Variants in SLC35F6 observed in about 807,000 individuals in gnomAD.
SLC35F6 encodes the protein solute carrier family 35 member F6, also known as ANT2-binding protein.
SLC35F6 carries 26 observed loss-of-function variants against 29.4 expected under a neutral mutation model. The observed-to-expected ratio is 0.89, with a 90% CI of 0.65 to 1.23. The LOEUF (loss-of-function observed/expected upper bound fraction) is 1.23, where lower values mean the gene tolerates loss of function less well. Among genes scored for constraint, SLC35F6 ranks in the 50% most tolerant of loss-of-function variants. The probability of loss-of-function intolerance (pLI) is 0.00; values close to 1 mark genes in which losing one functional copy is unlikely to be tolerated. For synonymous variants in SLC35F6, 174 were observed against 206.6 expected, an observed-to-expected ratio of 0.84 and a Z score of 1.35; for missense variants, 428 against 487.8, an observed-to-expected ratio of 0.88 and a Z score of 1.15.
chr2:26,770,746 G>C (rs1335608472), intron 1 of SLC35F6, among the ~76,000 whole-genome samples: 4 of 151,958 alleles, frequency 2.6e-5, no homozygotes, highest in African/African-American at 9.7e-5. Flanking sequence ...AAAAACAAAA[G>C]ACAACAAACA....
At position 26,776,862 on chromosome 2, in the gene SLC35F6, A is replaced by G. The variant is rs189554169; in HGVS notation, c.646+380A>G. The stretch of plus-strand genomic sequence containing the variant: ...AGTAGGAGCAGCTCCAAACAGAGCA[A>G]AGGCACAGGGGACTGGATGTGAATT... On this transcript the variant is annotated intron_variant, in intron 5 of 5. Coordinates refer to ENST00000344420, the MANE Select transcript of SLC35F6 (RefSeq NM_017877.4). 1.2e-3 allele frequency among the ~76,000 whole-genome samples: 189 copies of G among 152,144 alleles called. 1 individual carries two copies. Among genetic ancestry groups the G allele is most frequent in the African/African-American group, 4.4e-3 (182 of 41,514 alleles).
rs1664254035 is a variant in SLC35F6, at chr2:26,774,149, G to T, written c.78-102G>T. 5 of 1,409,606 alleles carry T rather than the reference G, an allele frequency of 3.5e-6. No homozygotes were observed. In the Admixed American group the frequency reaches 7.7e-5, roughly 22 times the overall value. 87.3% of individuals were successfully genotyped at this position (1,409,606 alleles called of 1,614,324 possible). A position where few individuals can be genotyped will look rare whatever the true frequency, so the allele number is the denominator to read the frequency against. The stretch of plus-strand genomic sequence containing the variant: ...AGAGGGAGCCCCACTCTGGGGCCGG[G>T]TCACCCAGGTCTGGGCCTCTTGACA... On this transcript the variant is annotated intron_variant, in intron 1 of 5. Transcript: ENST00000344420.
intron 1 of SLC35F6, 34 bp downstream of exon 1, chr2:26,764,460 G>A: frequency 1.9e-6 from 3 of 1,549,766 alleles, no homozygotes; most frequent in Non-Finnish European, 2.6e-6. Flanking sequence ...TGCGGGCCCT[G>A]GCGACCCCGG....
chr2:26,778,803 G>T lies in SLC35F6; in HGVS notation c.*292G>T. On this transcript the variant is annotated 3_prime_UTR_variant, in exon 6 of 6. Transcript: ENST00000344420. ...AGCTAAATCATGAAGTTGAATTGTAGGAATTTACCACCGTAGTGTATCTGA... is the reference window on the plus strand; with the variant it reads ...AGCTAAATCATGAAGTTGAATTGTATGAATTTACCACCGTAGTGTATCTGA... The T allele has an allele frequency of 2.4e-6, 1 of 417,882 alleles. No homozygotes were observed. 25.9% of individuals were successfully genotyped at this position (417,882 alleles called of 1,614,324 possible).
chr2:26,765,673 GCA>G (rs1466977156), intron 1 of SLC35F6, among the ~76,000 whole-genome samples: 3 of 152,226 alleles, frequency 2.0e-5, no homozygotes, highest in Non-Finnish European at 4.4e-5. Flanking sequence ...CAAACGGTGG[GCA>G]CAGTCAGTGG....
At chr2:26,777,788 T>C (rs986142242) in intron 5 of SLC35F6, among the ~76,000 whole-genome samples, 1 of 150,842 alleles carries the variant, frequency 6.6e-6, no homozygotes, top group Non-Finnish European at 1.5e-5. Flanking sequence ...ACACGTGTAC[T>C]GGGTCACAAT....
Position 26,780,126 on chromosome 2 carries a change from C to T in SLC35F6, c.*1615C>T, listed in dbSNP as rs1664381967. 6.6e-6 allele frequency: 1 copy of T among 152,130 alleles called. No individual in the cohort carries two copies. The highest frequency in any genetic ancestry group is 1.5e-5 in the Non-Finnish European group (1 of 68,038). The allele number at this position is 152,130 out of a possible 1,614,324, so 9.4% of individuals were successfully genotyped here. On this transcript the variant is annotated 3_prime_UTR_variant, in exon 6 of 6. Transcript: ENST00000344420. ...CTGGGCAACAGAGTGAAACCTGTCC[C>T]TGTTTTCCTGCTCTTACTCTCACCT... is the stretch of plus-strand genomic sequence containing the variant.
chr2:26,770,682 C>T (rs1664181619), intron 1 of SLC35F6, among the ~76,000 whole-genome samples: 1 of 151,882 alleles, frequency 6.6e-6, no homozygotes, highest in Admixed American at 6.6e-5. Context: ...CGCGCTGCTA[C>T]ACTCCAGCCT....
At position 26,779,615 on chromosome 2, in the gene SLC35F6, C is replaced by G. The variant is rs535331393; in HGVS notation, c.*1104C>G. 8 of 150,496 alleles carry G rather than the reference C, an allele frequency of 5.3e-5. No individual in the cohort carries two copies. Among genetic ancestry groups the G allele is most frequent in the African/African-American group, 2.0e-4 (8 of 40,840 alleles). 9.3% of individuals were successfully genotyped at this position (150,496 alleles called of 1,614,324 possible). ...GTGATCTCGGCTCACTGCAACCTCC[C>G]GCTCCCAGGTTCAAGCAAGTCCCCT... On this transcript the variant is annotated 3_prime_UTR_variant, in exon 6 of 6. Coordinates refer to ENST00000344420, the MANE Select transcript of SLC35F6 (RefSeq NM_017877.4).
Position 26,778,690 on chromosome 2 carries a change from T to A in SLC35F6, c.*179T>A. ...AACACCCAAGTCCTCTTTTTCTCACTACCACCTGCAGGGTGGTGTTACCCA... is the reference window on the plus strand; with the variant it reads ...AACACCCAAGTCCTCTTTTTCTCACAACCACCTGCAGGGTGGTGTTACCCA... On this transcript the variant is annotated 3_prime_UTR_variant, in exon 6 of 6. Transcript: ENST00000344420. 1 of 630,184 alleles carries A rather than the reference T, an allele frequency of 1.6e-6. No individual in the cohort carries two copies. The highest frequency in any genetic ancestry group is 2.8e-5 in the East Asian group (1 of 36,134). 39.0% of individuals were successfully genotyped at this position (630,184 alleles called of 1,614,324 possible).
intron 1 of SLC35F6, among the ~76,000 whole-genome samples, chr2:26,767,908 C>T (rs988060279): frequency 2.0e-5 from 3 of 152,176 alleles, no homozygotes; most frequent in African/African-American, 7.2e-5. Context: ...CTAAGTAAGG[C>T]TCAGCTCCCC....
chr2:26,764,693 C>A, intron 1 of SLC35F6: 1 of 719,826 alleles, frequency 1.4e-6, no homozygotes, highest in Non-Finnish European at 1.7e-6. Flanking sequence ...GAGGGTTGGC[C>A]GATTCCTTTC....
intron 1 of SLC35F6, among the ~76,000 whole-genome samples, chr2:26,767,542 C>G (rs939269181): frequency 3.9e-5 from 6 of 152,222 alleles, no homozygotes; most frequent in African/African-American, 1.4e-4. Flanking sequence ...GGGCCCCTCC[C>G]TGTGAAGTGG....
At position 26,779,402 on chromosome 2, in the gene SLC35F6, G is replaced by C. The variant is rs1343926279; in HGVS notation, c.*891G>C. ...AGTAGATGTTGATGCTGTGGCCTTA[G>C]TGCCTTCTGGCCCCAGCATTCCATG... On this transcript the variant is annotated 3_prime_UTR_variant, in exon 6 of 6. Transcript: ENST00000344420. 6.6e-6 allele frequency: 1 copy of C among 152,202 alleles called. No homozygotes were observed. Among genetic ancestry groups the C allele is most frequent in the African/African-American group, 2.4e-5 (1 of 41,444 alleles). 9.4% of individuals were successfully genotyped at this position (152,202 alleles called of 1,614,324 possible).
intron 1 of SLC35F6, among the ~76,000 whole-genome samples, chr2:26,766,088 T>C (rs1664091354): frequency 1.3e-5 from 2 of 151,806 alleles, no homozygotes; most frequent in Admixed American, 1.3e-4. Context: ...TGCCTGAGAG[T>C]CAGGAAAGAG....
At chr2:26,772,571 CCT>C (rs538449254) in intron 1 of SLC35F6, among the ~76,000 whole-genome samples, 380 of 152,290 alleles carry the variant, frequency 2.5e-3, no homozygotes, top group Non-Finnish European at 4.3e-3. Context: ...GAGGGCCACG[CCT>C]TGCTAGCCTC....
intron 1 of SLC35F6, among the ~76,000 whole-genome samples, chr2:26,765,387 C>G (rs909063999): frequency 1.3e-5 from 2 of 152,168 alleles, no homozygotes; most frequent in Non-Finnish European, 2.9e-5. Context: ...AGTCATGAGA[C>G]TGAGGGACAG....
At chr2:26,776,114 T>C (rs1278506883) in intron 4 of SLC35F6, among the ~76,000 whole-genome samples, 2 of 152,228 alleles carry the variant, frequency 1.3e-5, no homozygotes, top group Non-Finnish European at 2.9e-5. Flanking sequence ...TCAAAGCCTG[T>C]TGCTTCTTGA....
In SLC35F6 at chr2:26,780,419, A is replaced by G. The variant is rs986861995; in HGVS notation, c.*1908A>G. On this transcript the variant is annotated 3_prime_UTR_variant, in exon 6 of 6. Transcript: ENST00000344420. The stretch of plus-strand genomic sequence containing the variant: ...CACCCCTGGCAACCTGCCTGCCTAG[A>G]GAACTCCCAAGATGACAGACTAAGT... 6.6e-6 allele frequency: 1 copy of G among 152,196 alleles called. No homozygotes were observed. The highest frequency in any genetic ancestry group is 1.5e-5 in the Non-Finnish European group (1 of 68,048). The allele number at this position is 152,196 out of a possible 1,614,324, so 9.4% of individuals were successfully genotyped here.
Sources: gnomAD v4.1 joint callset for allele counts (sites outside exome capture counted in the v4.1 genomes callset) on GRCh38, gnomAD v4.1.1 for gene constraint, MANE v1.5 for transcripts, NCBI Gene and HGNC (gene_info 2026-07-23, HGNC 2026-07-21) for gene names.